FOXP2: variants seen among roughly 807,000 people sequenced by gnomAD.
FOXP2 encodes the protein forkhead box P2.
A neutral mutation model predicts 115.8 loss-of-function variants in FOXP2; 12 were observed. The ratio of observed to expected loss-of-function variants is 0.10; its 90% CI spans 0.07 to 0.17. The LOEUF is 0.17. Ranked by LOEUF, FOXP2 falls within the 10% of genes least tolerant of loss-of-function variation. FOXP2 has a pLI of 1.00. For missense variants in FOXP2, 629 were observed against 843.5 expected, an observed-to-expected ratio of 0.75 and a Z score of 3.15; for synonymous variants, 328 against 297.7, an observed-to-expected ratio of 1.10 and a Z score of -1.05.
At chr7:114,151,791 A>G (rs1792534761) in intron 1 of FOXP2, among the ~76,000 whole-genome samples, 1 of 152,132 alleles carries the variant, frequency 6.6e-6, no homozygotes, top group Non-Finnish European at 1.5e-5. Flanking sequence ...TAGAAAGAGC[A>G]TCCAACTTGG....
At chr7:114,384,168 A>G (rs1562897022) in intron 2 of FOXP2, among the ~76,000 whole-genome samples, 1 of 152,062 alleles carries the variant, frequency 6.6e-6, no homozygotes, top group African/African-American at 2.4e-5. Context: ...CTTGACCACA[A>G]AGAAAGCGGT....
chr7:114,296,145 A>C (rs1796736456), intron 2 of FOXP2, among the ~76,000 whole-genome samples: 2 of 152,208 alleles, frequency 1.3e-5, no homozygotes, highest in African/African-American at 4.8e-5. Flanking sequence ...TTTCAGTACA[A>C]TTAAATGTTA....
At chr7:114,648,274 C>G (rs1806033547) in intron 8 of FOXP2, among the ~76,000 whole-genome samples, 1 of 152,048 alleles carries the variant, frequency 6.6e-6, no homozygotes, top group Non-Finnish European at 1.5e-5. Context: ...AGTGCCCCCC[C>G]ATCTCTGAAA....
intron 1 of FOXP2, among the ~76,000 whole-genome samples, chr7:114,416,802 GA>G (rs1472164226): frequency 6.6e-6 from 1 of 151,954 alleles, no homozygotes; most frequent in Non-Finnish European, 1.5e-5. Context: ...GGTTTTCACG[GA>G]AAGCAGAGTC....
Position 114,496,545 on chromosome 7 carries a change from A to G in FOXP2, c.169-38072A>G, listed in dbSNP as rs949627466. 4.6e-5 allele frequency among the ~76,000 whole-genome samples: 7 copies of G among 152,282 alleles called. No individual in the cohort carries two copies. In the East Asian group the frequency reaches 7.7e-4, roughly 17 times the overall value. ...AGCAAAAAGGCAGAGAGAGCAATTA[A>G]TGTTTGGAAAACTTTCAGAAACTGA... On this transcript the variant is annotated intron_variant, in intron 2 of 16. Coordinates refer to ENST00000350908, the MANE Select transcript of FOXP2 (RefSeq NM_014491.4).
intron 2 of FOXP2, among the ~76,000 whole-genome samples, chr7:114,342,146 ACCTTCTTGAACTTGGAAAGAC>A (rs1340291520): frequency 6.6e-6 from 1 of 151,376 alleles, no homozygotes; most frequent in Non-Finnish European, 1.5e-5. Flanking sequence ...ACAGGAAAGA[ACCTTCTTGAACTTGGAAAGAC>A]CAACCAATAA....
chr7:114,419,135 T>A (rs1466484119), intron 1 of FOXP2, among the ~76,000 whole-genome samples: 1 of 151,968 alleles, frequency 6.6e-6, no homozygotes, highest in Non-Finnish European at 1.5e-5. Context: ...GTTATAGGTA[T>A]ATGTATGTCA....
chr7:114,595,456 GTAAC>G (rs977829569), intron 3 of FOXP2, among the ~76,000 whole-genome samples: 1 of 151,974 alleles, frequency 6.6e-6, no homozygotes, highest in African/African-American at 2.4e-5. Context: ...GGTATAAAAA[GTAAC>G]TACTATTTTT....
chr7:114,488,317 A>G (rs1019903019), intron 2 of FOXP2, among the ~76,000 whole-genome samples: 8 of 152,198 alleles, frequency 5.3e-5, no homozygotes, highest in African/African-American at 2.4e-5. Flanking sequence ...GGGAGCTACA[A>G]TTCAAAATGA....
chr7:114,173,804 C>T (rs553401258), intron 1 of FOXP2, among the ~76,000 whole-genome samples: 1 of 151,998 alleles, frequency 6.6e-6, no homozygotes, highest in Non-Finnish European at 1.5e-5. Flanking sequence ...AGCTATGTTT[C>T]TTTCTAGTGC....
At chr7:114,370,279 C>G (rs1403364640) in intron 2 of FOXP2, among the ~76,000 whole-genome samples, 1 of 152,120 alleles carries the variant, frequency 6.6e-6, no homozygotes, top group Non-Finnish European at 1.5e-5. Context: ...TTAAAGTGTC[C>G]TTAGACAAAT....
upstream of FOXP2, among the ~76,000 whole-genome samples, chr7:114,086,994 T>C (rs538492841): frequency 6.6e-6 from 1 of 152,198 alleles, no homozygotes; most frequent in Admixed American, 6.5e-5. Flanking sequence ...AAACACCAGA[T>C]GTGTGTTTGT....
In FOXP2 at chr7:114,347,672, T is replaced by C. The variant is rs565939596; in HGVS notation, c.-11+59563T>C. On this transcript the variant is annotated intron_variant, in intron 2 of 17. Transcript: ENST00000634411. ...AGCAAGGTAGTTCACTAAAATATAC[T>C]TTGTCAATTGCCATAGTGTTGACTT... 9.9e-5 allele frequency among the ~76,000 whole-genome samples: 15 copies of C among 152,196 alleles called. No individual in the cohort carries two copies. In the South Asian group the frequency reaches 2.7e-3, roughly 27 times the overall value.
intron 2 of FOXP2, among the ~76,000 whole-genome samples, chr7:114,521,588 T>C (rs954885816): frequency 2.6e-4 from 40 of 151,780 alleles, no homozygotes; most frequent in Admixed American, 1.8e-3. Flanking sequence ...GATTTCTTTT[T>C]ATACTTAAAC....
intron 2 of FOXP2, among the ~76,000 whole-genome samples, chr7:114,400,387 AAC>A (rs1223634410): frequency 1.3e-5 from 2 of 152,184 alleles, no homozygotes; most frequent in Non-Finnish European, 2.9e-5. Flanking sequence ...TAAATATTGA[AAC>A]ACAGTTTTTC....
intron 3 of FOXP2, among the ~76,000 whole-genome samples, chr7:114,586,687 A>C (rs1802152018): frequency 6.6e-6 from 1 of 152,250 alleles, no homozygotes; most frequent in Non-Finnish European, 1.5e-5. Context: ...TTTATTCTGA[A>C]ATGGTGATAT....
At chr7:114,478,029 G>A (rs1179865690) in intron 2 of FOXP2, among the ~76,000 whole-genome samples, 2 of 151,750 alleles carry the variant, frequency 1.3e-5, no homozygotes, top group African/African-American at 2.4e-5. Flanking sequence ...AAACCTCAGG[G>A]TATTTATAGC....
intron 2 of FOXP2, among the ~76,000 whole-genome samples, chr7:114,428,174 C>T (rs1312251615): frequency 1.3e-5 from 2 of 151,462 alleles, no homozygotes; most frequent in South Asian, 2.1e-4. Flanking sequence ...CAGTGGATTG[C>T]GTTTATAAAG....
chr7:114,461,043 A>C (rs1795538587), intron 2 of FOXP2, among the ~76,000 whole-genome samples: 1 of 152,200 alleles, frequency 6.6e-6, no homozygotes, highest in Non-Finnish European at 1.5e-5. Context: ...ACGGGCTAGA[A>C]AATGAAAAGT....
Sources: allele counts gnomAD v4.1 joint callset (sites outside exome capture counted in the v4.1 genomes callset), GRCh38; gene constraint gnomAD v4.1.1; transcripts MANE v1.5; gene names NCBI Gene and HGNC (gene_info 2026-07-23, HGNC 2026-07-21).